NAV2: variants seen among roughly 807,000 people sequenced by gnomAD.
NAV2 encodes neuron navigator 2.
A neutral mutation model predicts 223.2 loss-of-function variants in NAV2; 54 were observed. That is an observed-to-expected ratio of 0.24 (90% CI 0.19 to 0.30). The LOEUF is 0.30. Ranked by LOEUF, NAV2 falls within the 10% of genes least tolerant of loss-of-function variation. The pLI, the probability that NAV2 is intolerant of heterozygous loss-of-function variation, is 1.00. For synonymous variants in NAV2, 1,279 were observed against 1,239.3 expected (o/e 1.03, Z -0.67); for missense variants, 2,806 against 3,147.5 (o/e 0.89, Z 2.60).
chr11:20,032,340 T>G (rs1224558016), intron 11 of NAV2, among the ~76,000 whole-genome samples: 6 of 152,200 alleles, frequency 3.9e-5, no homozygotes, highest in African/African-American at 1.4e-4. Context: ...AAGCACGCAG[T>G]GCTCCAGGCA....
chr11:19,951,772 A>C (rs1472506502), intron 10 of NAV2, among the ~76,000 whole-genome samples: 1 of 152,230 alleles, frequency 6.6e-6, no homozygotes, highest in Non-Finnish European at 1.5e-5. Flanking sequence ...TTTGCTTAAA[A>C]GCACCGATGT....
At chr11:19,390,372 C>T (rs1370189383) in intron 1 of NAV2, among the ~76,000 whole-genome samples, 1 of 152,182 alleles carries the variant, frequency 6.6e-6, no homozygotes, top group Non-Finnish European at 1.5e-5. Flanking sequence ...ACTCCCAGAT[C>T]TGCCCTGAAA....
intron 11 of NAV2, among the ~76,000 whole-genome samples, chr11:19,995,131 A>G (rs976873869): frequency 6.6e-6 from 1 of 152,224 alleles, no homozygotes; most frequent in African/African-American, 2.4e-5. Context: ...CTTGGGCAAG[A>G]TGCTTCCCCT....
chr11:20,010,620 A>G lies in NAV2; in HGVS notation c.2769-25339A>G, dbSNP rs144488761. ...TAGAAAGCGCCCAAGTCTATAATAT[A>G]TGTACAGCCGTGGCTTTTATCAAAA... On this transcript the variant is annotated intron_variant, in intron 11 of 37. Transcript: ENST00000349880. 2.5e-3 allele frequency among the ~76,000 whole-genome samples: 376 copies of G among 152,242 alleles called. 2 individuals carry two copies. The highest frequency in any genetic ancestry group is 8.4e-3 in the African/African-American group (351 of 41,540).
chr11:19,715,396 T>G (rs1329323337), intron 1 of NAV2, among the ~76,000 whole-genome samples: 1 of 152,104 alleles, frequency 6.6e-6, no homozygotes, highest in Non-Finnish European at 1.5e-5. Flanking sequence ...GGCTCTGCCA[T>G]GGGGGTGAGC....
intron 1 of NAV2, among the ~76,000 whole-genome samples, chr11:19,496,966 T>G (rs1414333996): frequency 6.6e-6 from 1 of 152,200 alleles, no homozygotes; most frequent in Non-Finnish European, 1.5e-5. Context: ...TTTTACCATT[T>G]GTGTGTGGAT....
chr11:19,977,798 CTTTTT>C (rs1221334182), intron 10 of NAV2, among the ~76,000 whole-genome samples: 3 of 90,782 alleles, frequency 3.3e-5, no homozygotes, highest in Non-Finnish European at 6.6e-5. Context: ...CAACTTTTTT[CTTTTT>C]TTTTTTTTTT....
At chr11:20,055,577 C>T (rs1018942666) in intron 18 of NAV2, among the ~76,000 whole-genome samples, 192 bp from the exon 19 acceptor site, 3 of 152,152 alleles carry the variant, frequency 2.0e-5, no homozygotes, top group Admixed American at 6.5e-5. Flanking sequence ...AGCTGACCTG[C>T]CTTTTTACTC....
At chr11:19,449,743 A>G (rs1458590912) in intron 1 of NAV2, among the ~76,000 whole-genome samples, 1 of 152,146 alleles carries the variant, frequency 6.6e-6, no homozygotes, top group Non-Finnish European at 1.5e-5. Flanking sequence ...CTGGGCCATG[A>G]GAGCACCTTC....
At chr11:19,454,125 A>G (rs1345108398) in intron 1 of NAV2, among the ~76,000 whole-genome samples, 1 of 152,174 alleles carries the variant, frequency 6.6e-6, no homozygotes, top group Non-Finnish European at 1.5e-5. Flanking sequence ...AGGCATTGTG[A>G]TTCAGAGCAC....
intron 1 of NAV2, among the ~76,000 whole-genome samples, chr11:19,650,984 T>C (rs1565137943): frequency 6.6e-6 from 1 of 152,188 alleles, no homozygotes; most frequent in Admixed American, 6.5e-5. Flanking sequence ...ACTCATTGAA[T>C]TGAACACATA....
intron 10 of NAV2, among the ~76,000 whole-genome samples, chr11:19,960,144 T>A (rs1279891982): frequency 6.6e-6 from 1 of 151,740 alleles, no homozygotes; most frequent in African/African-American, 2.4e-5. Flanking sequence ...AGAGGAGGAG[T>A]CGGTTATTTG....
At chr11:19,461,371 G>GA (rs1465019605) in intron 1 of NAV2, among the ~76,000 whole-genome samples, 7 of 152,166 alleles carry the variant, frequency 4.6e-5, no homozygotes, top group African/African-American at 1.7e-4. Context: ...GATTTCCTAG[G>GA]AAAAAATGAA....
chr11:19,935,849 C>CTTTTTTT (rs1565594361), intron 7 of NAV2, among the ~76,000 whole-genome samples: 1 of 69,440 alleles, frequency 1.4e-5, no homozygotes, highest in Non-Finnish European at 3.3e-5. Flanking sequence ...TGTTTTGTTT[C>CTTTTTTT]TGTTTTTTTT....
At chr11:19,880,960 T>A (rs1283786097) in intron 5 of NAV2, among the ~76,000 whole-genome samples, 1 of 152,238 alleles carries the variant, frequency 6.6e-6, no homozygotes, top group Non-Finnish European at 1.5e-5. Flanking sequence ...AAACCCTAAA[T>A]GTCACTGATC....
intron 1 of NAV2, among the ~76,000 whole-genome samples, chr11:19,797,222 AC>A (rs139431405): frequency 0.026 from 3,904 of 151,562 alleles, 159 homozygotes; most frequent in African/African-American, 0.09. Context: ...CTTCCCCTCC[AC>A]CCCTCCTGGT....
chr11:19,751,946 T>G (rs2053859380), intron 1 of NAV2, among the ~76,000 whole-genome samples: 1 of 152,094 alleles, frequency 6.6e-6, no homozygotes, highest in Non-Finnish European at 1.5e-5. Flanking sequence ...CAAAGGGCTT[T>G]CTCCTTGGTT....
intron 1 of NAV2, among the ~76,000 whole-genome samples, chr11:19,676,081 G>A (rs554759638): frequency 1.3e-5 from 2 of 152,176 alleles, no homozygotes; most frequent in Admixed American, 6.5e-5. Context: ...TGAGAGCCTT[G>A]TTCTGGCACA....
intron 1 of NAV2, among the ~76,000 whole-genome samples, chr11:19,597,628 A>G (rs7929648): frequency 0.089 from 13,541 of 152,262 alleles, 1,630 homozygotes; most frequent in African/African-American, 0.28. Context: ...TGCCTGCCGT[A>G]TAGGTTTTTA....
Sources: gnomAD v4.1 joint callset for allele counts (sites outside exome capture counted in the v4.1 genomes callset) on GRCh38, gnomAD v4.1.1 for gene constraint, MANE v1.5 for transcripts, NCBI Gene and HGNC (gene_info 2026-07-23, HGNC 2026-07-21) for gene names.